The following DNAH3 variants were observed in gnomAD, a reference collection of about 807,000 sequenced individuals.
The protein encoded by DNAH3 is dynein axonemal heavy chain 3, also known as axonemal beta dynein heavy chain 3.
A neutral mutation model predicts 432.5 loss-of-function variants in DNAH3; 332 were observed. The observed-to-expected ratio is 0.77, with a 90% CI of 0.70 to 0.84. The LOEUF (loss-of-function observed/expected upper bound fraction) is 0.84. Ranked by LOEUF, DNAH3 falls within the 40% of genes least tolerant of loss-of-function variation. DNAH3 has a pLI of 0.00. For missense variants in DNAH3, 4,861 were observed against 5,114.0 expected (o/e 0.95, Z 1.51); for synonymous variants, 1,956 against 1,900.2 (o/e 1.03, Z -0.76).
intron 12 of DNAH3, among the ~76,000 whole-genome samples, chr16:21,115,679 C>T (rs2092175558): frequency 6.7e-6 from 1 of 150,230 alleles, no homozygotes; most frequent in South Asian, 2.1e-4. Context: ...TATACTCCAG[C>T]CTGGGTGACA....
At chr16:21,087,351 T>A (rs545547469) in intron 18 of DNAH3, among the ~76,000 whole-genome samples, 1 of 152,334 alleles carries the variant, frequency 6.6e-6, no homozygotes, top group East Asian at 1.9e-4. Flanking sequence ...GCCTGGCATA[T>A]AATGGATGTA....
intron 59 of DNAH3, among the ~76,000 whole-genome samples, chr16:20,938,444 C>G (rs2083677860): frequency 6.6e-6 from 1 of 151,288 alleles, no homozygotes; most frequent in Non-Finnish European, 1.5e-5. Flanking sequence ...GCTAAGCAGT[C>G]AAGGGTAAAA....
chr16:20,944,314 C>T (rs2083947213), intron 58 of DNAH3, among the ~76,000 whole-genome samples, 182 bp downstream of exon 58: 1 of 152,108 alleles, frequency 6.6e-6, no homozygotes. Context: ...ACACTGGTTC[C>T]CTTGCAGCTC....
At chr16:21,093,722 G>T (rs755655541) in intron 18 of DNAH3, among the ~76,000 whole-genome samples, 4 of 152,086 alleles carry the variant, frequency 2.6e-5, no homozygotes, top group Non-Finnish European at 5.9e-5. Flanking sequence ...TCAGTGAAAG[G>T]CTTGACATAT....
At chr16:21,061,534 AC>A (rs2090361590) in intron 25 of DNAH3, among the ~76,000 whole-genome samples, 1 of 152,166 alleles carries the variant, frequency 6.6e-6, no homozygotes, top group Non-Finnish European at 1.5e-5. Context: ...CATTTTTAAT[AC>A]GCATTACTTT....
intron 50 of DNAH3, among the ~76,000 whole-genome samples, chr16:20,976,229 A>T (rs1387636146): frequency 2.0e-5 from 3 of 151,196 alleles, no homozygotes; most frequent in Non-Finnish European, 2.9e-5. Flanking sequence ...ATGGAGTCTC[A>T]CTCTATCACC....
chr16:21,019,775 A>G, exon 41 of DNAH3: 1 of 1,614,136 alleles, frequency 6.2e-7, no homozygotes, highest in Non-Finnish European at 8.5e-7. Context: ...ACACCAAGGA[A>G]AAGAGAAACA....
chr16:21,071,781 A>AGTCT (rs1491110024), intron 21 of DNAH3, among the ~76,000 whole-genome samples: 1 of 152,102 alleles, frequency 6.6e-6, no homozygotes, highest in Non-Finnish European at 1.5e-5. Context: ...AGTCAAATAC[A>AGTCT]GTCTAATCCA....
chr16:21,121,091 T>C (rs769804384), intron 10 of DNAH3: 2 of 634,872 alleles, frequency 3.2e-6, no homozygotes, highest in South Asian at 1.5e-5. Flanking sequence ...ATGTGAAGCA[T>C]ACATAATGCA....
intron 30 of DNAH3, 31 bp from the exon 31 acceptor site, chr16:21,049,713 A>G (rs1309138867): frequency 6.3e-6 from 10 of 1,592,050 alleles, no homozygotes; most frequent in Non-Finnish European, 8.6e-6. Flanking sequence ...GGTATCATTC[A>G]GGGTGGATTC....
intron 14 of DNAH3, among the ~76,000 whole-genome samples, chr16:21,109,897 C>T (rs1004667979): frequency 6.6e-6 from 1 of 151,928 alleles, no homozygotes; most frequent in Admixed American, 6.6e-5. Flanking sequence ...TGCCACTATG[C>T]CTGGCTAATT....
At chr16:21,067,952 T>C (rs777275505) in intron 23 of DNAH3, among the ~76,000 whole-genome samples, 50 of 152,044 alleles carry the variant, frequency 3.3e-4, no homozygotes, top group Admixed American at 9.2e-4. Context: ...CATTTGGTCT[T>C]CTCGTTTCAG....
intron 48 of DNAH3, among the ~76,000 whole-genome samples, chr16:20,983,327 T>G (rs541932820): frequency 4.6e-5 from 7 of 152,080 alleles, no homozygotes; most frequent in Non-Finnish European, 7.4e-5. Flanking sequence ...GGTTTCACCA[T>G]TTTGGCCAGG....
At chr16:21,012,615 T>G (rs980313746) in intron 41 of DNAH3, among the ~76,000 whole-genome samples, 3 of 152,206 alleles carry the variant, frequency 2.0e-5, no homozygotes, top group African/African-American at 7.2e-5. Flanking sequence ...AGTAGGAATA[T>G]AGTGAAACTG....
At chr16:21,003,260 T>C (rs2087118196) in intron 41 of DNAH3, 53 bp from the exon 42 acceptor site, 1 of 1,253,946 alleles carries the variant, frequency 8.0e-7, no homozygotes, top group African/African-American at 1.5e-5. Flanking sequence ...TTTACTTGCC[T>C]CCCATATTTG....
chr16:21,098,533 TTAGGAAA>T, intron 17 of DNAH3, 76 bp downstream of exon 17: 2 of 1,406,886 alleles, frequency 1.4e-6, no homozygotes, highest in Non-Finnish European at 1.9e-6. Flanking sequence ...GTAGATGCTA[TTAGGAAA>T]TAGGAAATTC....
chr16:21,106,801 T>G (rs1460706566), intron 14 of DNAH3, 127 bp from the exon 15 acceptor site: 56 of 829,412 alleles, frequency 6.8e-5, no homozygotes, highest in Non-Finnish European at 9.2e-5. Flanking sequence ...GAAAATTTTT[T>G]TTTAATTTTT....
rs1232744232 is a variant in DNAH3 at position 20,935,391 on chromosome 16, C to T, written c.11954G>A (p.Arg3985Gln). 20 of 1,613,510 alleles carry T rather than the reference C, an allele frequency of 1.2e-5. No individual in the cohort carries two copies. Among genetic ancestry groups the T allele is most frequent in the African/African-American group, 4.0e-5 (3 of 74,814 alleles). The change falls in exon 61 of 62, where the codon CGG (arginine) becomes CAG (glutamine). Residue 3985 changes from arginine (R) to glutamine (Q), a missense_variant. Physicochemically the swap from Arg to Gln is conservative, Grantham distance 43. Transcript: ENST00000261383. ...GTGGTCAATGGGGATGGTATATTTC[C>T]GGGCATAATTTTGAGAGACGCCAGT...
chr16:20,955,700 GT>G (rs756612286), intron 54 of DNAH3, among the ~76,000 whole-genome samples: 12 of 152,008 alleles, frequency 7.9e-5, no homozygotes, highest in Non-Finnish European at 1.8e-4. Flanking sequence ...TACAGAAAAA[GT>G]TTGCTGATGC....
Sources: allele counts gnomAD v4.1 joint callset (sites outside exome capture counted in the v4.1 genomes callset), GRCh38; gene constraint gnomAD v4.1.1; transcripts MANE v1.5; gene names NCBI Gene and HGNC (gene_info 2026-07-23, HGNC 2026-07-21).